PCDH15: variants seen among roughly 807,000 people sequenced by gnomAD.
The protein encoded by PCDH15 is protocadherin-15.
PCDH15 carries 129 observed loss-of-function variants against 178.5 expected under a neutral mutation model. The ratio of observed to expected loss-of-function variants is 0.72; its 90% CI spans 0.63 to 0.84. The LOEUF (loss-of-function observed/expected upper bound fraction) is 0.84, where lower values mean the gene tolerates loss of function less well. Among genes scored for constraint, PCDH15 ranks in the 40% least tolerant of loss-of-function variants. The probability of loss-of-function intolerance (pLI) is 0.00; values close to 1 mark genes in which losing one functional copy is unlikely to be tolerated. For missense variants in PCDH15, 2,230 were observed against 2,099.9 expected (o/e 1.06, Z -1.21); for synonymous variants, 800 against 732.0 (o/e 1.09, Z -1.50).
chr10:53,984,743 T>C (rs146909107), intron 21 of PCDH15, among the ~76,000 whole-genome samples: 1 of 152,200 alleles, frequency 6.6e-6, no homozygotes, highest in Admixed American at 6.5e-5. Flanking sequence ...TCATACCTGT[T>C]TTTCCTATCT....
intron 2 of PCDH15, among the ~76,000 whole-genome samples, chr10:55,428,068 T>C (rs939874128): frequency 5.9e-5 from 9 of 152,046 alleles, no homozygotes; most frequent in Non-Finnish European, 1.2e-4. Flanking sequence ...TGTCTTAAAA[T>C]GTGGTCTATT....
intron 3 of PCDH15, among the ~76,000 whole-genome samples, chr10:54,861,545 C>T (rs115004405): frequency 2.0e-3 from 307 of 152,176 alleles, no homozygotes; most frequent in East Asian, 5.6e-3. Context: ...AAGGAACATA[C>T]TTCATAATAA....
At chr10:55,301,394 T>C (rs1843274901) in intron 1 of PCDH15, among the ~76,000 whole-genome samples, 1 of 152,168 alleles carries the variant, frequency 6.6e-6, no homozygotes, top group Non-Finnish European at 1.5e-5. Flanking sequence ...TAATTGCTTA[T>C]GACTTCTTTG....
intron 7 of PCDH15, among the ~76,000 whole-genome samples, chr10:54,327,007 T>A (rs1938266256): frequency 6.6e-6 from 1 of 152,132 alleles, no homozygotes; most frequent in African/African-American, 2.4e-5. Flanking sequence ...TTCACATATG[T>A]ACTTCTGTTT....
At chr10:54,712,840 A>C (rs557867428) in intron 1 of PCDH15, among the ~76,000 whole-genome samples, 2 of 152,152 alleles carry the variant, frequency 1.3e-5, no homozygotes, top group South Asian at 4.1e-4. Context: ...CTAAATTTTA[A>C]TTATCATAAT....
rs151031204 is a variant in PCDH15, at chr10:54,210,836, C to T, written c.1098+3100G>A. ...ATAGAATAAGTAGGTCAGTGAGTAA[C>T]AACATGAAAATCAGAGGAAACATGA... On this transcript the variant is annotated intron_variant, in intron 10 of 37. Transcript: ENST00000644397. Among the ~76,000 whole-genome samples the T allele has an allele frequency of 2.0e-5, 3 of 151,688 alleles. No homozygotes were observed. In the East Asian group the frequency reaches 5.8e-4, roughly 29 times the overall value.
At position 54,858,113 on chromosome 10, in the gene PCDH15, C is replaced by T. The variant is rs188991539; in HGVS notation, c.-29+39337G>A. The stretch of plus-strand genomic sequence containing the variant: ...ATAAGCACAATTCTACTCTCTAGTT[C>T]CAGGAATTAAAGTATTTTCAAATTC... On this transcript the variant is annotated intron_variant, in intron 3 of 5. Coordinates refer to the PCDH15 transcript ENST00000458638. 5.2e-4 allele frequency among the ~76,000 whole-genome samples: 79 copies of T among 152,260 alleles called. 1 individual carries two copies. The highest frequency in any genetic ancestry group is 9.7e-4 in the Non-Finnish European group (66 of 68,026).
intron 25 of PCDH15, among the ~76,000 whole-genome samples, chr10:53,927,003 A>T (rs2121526): frequency 3.3e-5 from 5 of 152,276 alleles, no homozygotes; most frequent in African/African-American, 1.2e-4. Flanking sequence ...TCTGTAGCAC[A>T]AAAATAATGT....
At chr10:55,010,799 TAA>T (rs5785110) in intron 2 of PCDH15, among the ~76,000 whole-genome samples, 69,638 of 150,612 alleles carry the variant, frequency 0.46, 17,872 homozygotes, top group East Asian at 0.75. Context: ...CAACAACTTA[TAA>T]AAAAAAAAGG....
At chr10:55,502,018 TG>T (rs1301190610) in intron 2 of PCDH15, among the ~76,000 whole-genome samples, 5 of 151,708 alleles carry the variant, frequency 3.3e-5, no homozygotes, top group African/African-American at 1.2e-4. Context: ...TGCAGGTCTT[TG>T]TAACTATGTG....
chr10:54,600,268 G>A (rs1187984176), intron 2 of PCDH15: 1 of 550,712 alleles, frequency 1.8e-6, no homozygotes, highest in African/African-American at 1.9e-5. Flanking sequence ...GAGAAAGTGG[G>A]AGGAAATGGG....
At chr10:54,060,166 A>G (rs1392589708) in intron 18 of PCDH15, among the ~76,000 whole-genome samples, 1 of 152,254 alleles carries the variant, frequency 6.6e-6, no homozygotes, top group Non-Finnish European at 1.5e-5. Flanking sequence ...ATTTGTTATT[A>G]TCAAAGACCA....
chr10:55,378,895 C>A (rs7912553), intron 2 of PCDH15, among the ~76,000 whole-genome samples: 1 of 148,114 alleles, frequency 6.8e-6, no homozygotes, highest in Non-Finnish European at 1.5e-5. Context: ...CTCTCTCTCT[C>A]TCTCTCTCTC....
chr10:53,949,465 C>T (rs1011514135), intron 23 of PCDH15, among the ~76,000 whole-genome samples: 2 of 152,178 alleles, frequency 1.3e-5, no homozygotes, highest in African/African-American at 2.4e-5. Context: ...TCTTTCCAAA[C>T]TATTGTTCAT....
At chr10:54,356,479 G>T (rs1440428379) in intron 5 of PCDH15, among the ~76,000 whole-genome samples, 3 of 151,536 alleles carry the variant, frequency 2.0e-5, no homozygotes, top group Non-Finnish European at 4.4e-5. Context: ...AAATAGTTAT[G>T]TATTTATATA....
chr10:54,682,792 A>G (rs2094923401), intron 1 of PCDH15, among the ~76,000 whole-genome samples: 1 of 152,184 alleles, frequency 6.6e-6, no homozygotes, highest in South Asian at 2.1e-4. Context: ...TAAATTCCAA[A>G]GAATCTTAGC....
chr10:54,796,221 ATTAT>A, intron 1 of PCDH15, among the ~76,000 whole-genome samples: 1 of 119,868 alleles, frequency 8.3e-6, no homozygotes, highest in African/African-American at 3.1e-5. Flanking sequence ...GTCTTTCTAC[ATTAT>A]CTATCTATCT....
chr10:55,223,431 C>G (rs1286234045), intron 1 of PCDH15, among the ~76,000 whole-genome samples: 1 of 152,130 alleles, frequency 6.6e-6, no homozygotes, highest in Non-Finnish European at 1.5e-5. Context: ...CTTGATAACA[C>G]TGTAAACATT....
intron 2 of PCDH15, among the ~76,000 whole-genome samples, chr10:54,556,862 G>A (rs1252997962): frequency 6.6e-6 from 1 of 151,938 alleles, no homozygotes; most frequent in Non-Finnish European, 1.5e-5. Flanking sequence ...GTGTCTCTGT[G>A]TGCCCTGGGA....
Sources: allele counts gnomAD v4.1 joint callset (sites outside exome capture counted in the v4.1 genomes callset), GRCh38; gene constraint gnomAD v4.1.1; transcripts MANE v1.5; gene names NCBI Gene and HGNC (gene_info 2026-07-23, HGNC 2026-07-21).